COL24A1: variants seen among roughly 807,000 people sequenced by gnomAD.
COL24A1 encodes collagen alpha-1(XXIV) chain.
A neutral mutation model predicts 253.9 loss-of-function variants in COL24A1; 224 were observed. That is an observed-to-expected ratio of 0.88 (90% CI 0.79 to 0.99). The LOEUF (loss-of-function observed/expected upper bound fraction) is 0.99. COL24A1 is among the 50% of genes least tolerant of loss of function. The pLI, the probability that COL24A1 is intolerant of heterozygous loss-of-function variation, is 0.00. For missense variants in COL24A1, 2,131 were observed against 2,068.5 expected (o/e 1.03, Z -0.59); for synonymous variants, 685 against 673.7 (o/e 1.02, Z -0.26).
intron 19 of COL24A1, among the ~76,000 whole-genome samples, chr1:86,013,140 ACTC>A (rs754328934): frequency 5.3e-5 from 8 of 152,144 alleles, no homozygotes; most frequent in Non-Finnish European, 1.2e-4. Context: ...ACTCAGACTA[ACTC>A]CTCAATTCTC....
intron 35 of COL24A1, among the ~76,000 whole-genome samples, chr1:85,872,299 C>T (rs895609582): frequency 6.6e-6 from 1 of 152,166 alleles, no homozygotes; most frequent in Admixed American, 6.5e-5. Context: ...AATACCATCC[C>T]CATCAAGCTA....
In COL24A1 at chr1:85,905,312, A is replaced by G. The variant is rs538488964; in HGVS notation, c.2778+1882T>C. On this transcript the variant is annotated intron_variant, in intron 28 of 59. Transcript: ENST00000370571. The stretch of plus-strand genomic sequence containing the variant: ...TTCTCATTTTTTGTGAGTGAAAAAC[A>G]TTGGGAAGAATGGGTCTAGAGTATT... Among the ~76,000 whole-genome samples, 20 of 152,250 alleles carry G rather than the reference A, an allele frequency of 1.3e-4. No homozygotes were observed. The East Asian group carries it at 3.7e-3, about 28-fold the overall frequency.
rs1234825051 is a variant in COL24A1 at position 85,828,805 on chromosome 1, GC to G, written c.3682-5068del. On this transcript the variant is annotated intron_variant, in intron 43 of 59. Coordinates refer to ENST00000370571, the MANE Select transcript of COL24A1 (RefSeq NM_152890.7). Reference sequence around the variant, plus strand: ...ATCTTCCTCCATCCTTTTATTTTGAGCCTATGTGTGTCTCTGCACATGAGAT... The same window carrying G: ...ATCTTCCTCCATCCTTTTATTTTGAGCTATGTGTGTCTCTGCACATGAGAT... 2.8e-5 allele frequency among the ~76,000 whole-genome samples: 4 copies of G among 142,180 alleles called. No homozygotes were observed. The East Asian group carries it at 7.9e-4, about 28-fold the overall frequency. The allele number at this position is 142,180 out of a possible 152,430, so 93.3% of individuals were successfully genotyped here. A position where few individuals can be genotyped will look rare whatever the true frequency, so the allele number is the denominator to read the frequency against.
chr1:85,918,581 GCT>G (rs927494646), intron 24 of COL24A1, among the ~76,000 whole-genome samples: 2 of 152,118 alleles, frequency 1.3e-5, no homozygotes, highest in African/African-American at 4.8e-5. Flanking sequence ...GAACATACAG[GCT>G]TTAAATCTAT....
intron 24 of COL24A1, among the ~76,000 whole-genome samples, chr1:85,943,362 A>T (rs1416775549): frequency 6.6e-6 from 1 of 152,226 alleles, no homozygotes; most frequent in African/African-American, 2.4e-5. Flanking sequence ...ATGTGAGCCA[A>T]TTCTCTTAGT....
At chr1:85,951,629 T>C (rs1689940881) in intron 24 of COL24A1, among the ~76,000 whole-genome samples, 1 of 152,210 alleles carries the variant, frequency 6.6e-6, no homozygotes, top group Non-Finnish European at 1.5e-5. Context: ...TTACAATTTA[T>C]ATTCTTAAAG....
chr1:86,130,096 A>G (rs1260184096), intron 2 of COL24A1, among the ~76,000 whole-genome samples: 1 of 151,862 alleles, frequency 6.6e-6, no homozygotes, highest in Non-Finnish European at 1.5e-5. Context: ...CACCTTTCAG[A>G]ATTACAAAAA....
chr1:85,795,127 G>A (rs1312857400), intron 47 of COL24A1, among the ~76,000 whole-genome samples: 1 of 152,084 alleles, frequency 6.6e-6, no homozygotes, highest in African/African-American at 2.4e-5. Context: ...TATTTGATCT[G>A]GTGTCAGTTA....
chr1:85,788,876 T>TG (rs1000914787), intron 47 of COL24A1, among the ~76,000 whole-genome samples: 1 of 152,172 alleles, frequency 6.6e-6, no homozygotes, highest in African/African-American at 2.4e-5. Context: ...GTTGTAGGTG[T>TG]GTGGTCTTAT....
chr1:85,899,229 A>G (rs1684048088), intron 28 of COL24A1, among the ~76,000 whole-genome samples: 1 of 152,180 alleles, frequency 6.6e-6, no homozygotes. Context: ...TTGAGTAACA[A>G]AAGAAGAAGG....
At chr1:85,767,803 C>T (rs941770590) in intron 53 of COL24A1, among the ~76,000 whole-genome samples, 4 of 152,116 alleles carry the variant, frequency 2.6e-5, no homozygotes, top group Non-Finnish European at 4.4e-5. Context: ...TCAGGAAATG[C>T]TACTTTACCA....
chr1:85,814,744 T>C (rs970317308), intron 47 of COL24A1, among the ~76,000 whole-genome samples: 1 of 152,180 alleles, frequency 6.6e-6, no homozygotes, highest in Non-Finnish European at 1.5e-5. Flanking sequence ...TAGAAAGAAG[T>C]TGTTTGTCAT....
intron 7 of COL24A1, among the ~76,000 whole-genome samples, chr1:86,066,999 T>G (rs539235589): frequency 1.5e-4 from 23 of 151,788 alleles, no homozygotes; most frequent in Non-Finnish European, 3.1e-4. Context: ...ATTAGCCAGG[T>G]GTGGTGGCGT....
intron 14 of COL24A1, chr1:86,030,096 C>T (rs1204663158): frequency 6.6e-6 from 1 of 151,518 alleles, no homozygotes; most frequent in African/African-American, 2.4e-5. Flanking sequence ...AAAACGAAAA[C>T]AAAAGGAAAC....
chr1:86,015,889 T>TCC (rs1283135526), intron 19 of COL24A1, among the ~76,000 whole-genome samples: 45,599 of 148,806 alleles, frequency 0.31, 7,380 homozygotes, highest in Middle Eastern at 0.5. Flanking sequence ...TTTTCTTTTT[T>TCC]TTTTTTTTTT....
At chr1:85,933,384 A>G (rs1687977858) in intron 24 of COL24A1, among the ~76,000 whole-genome samples, 1 of 151,182 alleles carries the variant, frequency 6.6e-6, no homozygotes, top group Non-Finnish European at 1.5e-5. Context: ...ACACACTATT[A>G]TTATGGCCTA....
At chr1:86,076,211 T>G (rs1171874615) in intron 7 of COL24A1, among the ~76,000 whole-genome samples, 1 of 152,102 alleles carries the variant, frequency 6.6e-6, no homozygotes, top group African/African-American at 2.4e-5. Flanking sequence ...GGATACAAAA[T>G]CACTGTGCAA....
intron 24 of COL24A1, among the ~76,000 whole-genome samples, chr1:85,924,241 A>G (rs1686909016): frequency 6.6e-6 from 1 of 152,270 alleles, no homozygotes; most frequent in Non-Finnish European, 1.5e-5. Context: ...TACCAGAGGT[A>G]CAAAGAGGAG....
intron 5 of COL24A1, among the ~76,000 whole-genome samples, chr1:86,097,360 GTTC>G (rs202032270): frequency 0.048 from 6,889 of 144,202 alleles, 180 homozygotes; most frequent in Non-Finnish European, 0.063. Context: ...TGTTGTTGTT[GTTC>G]TTCTTCTCCT....
Sources: allele counts gnomAD v4.1 joint callset (sites outside exome capture counted in the v4.1 genomes callset), GRCh38; gene constraint gnomAD v4.1.1; transcripts MANE v1.5; gene names NCBI Gene and HGNC (gene_info 2026-07-23, HGNC 2026-07-21).